Variants in DPP10 observed in about 807,000 individuals in gnomAD.
The protein encoded by DPP10 is inactive dipeptidyl peptidase 10.
A neutral mutation model predicts 120.9 loss-of-function variants in DPP10; 33 were observed. That is an observed-to-expected ratio of 0.27 (90% CI 0.21 to 0.37). DPP10 has a LOEUF of 0.37. Ranked by LOEUF, DPP10 falls within the 10% of genes least tolerant of loss-of-function variation. DPP10 has a pLI of 1.00. For missense variants in DPP10, 816 were observed against 942.8 expected, an observed-to-expected ratio of 0.87 and a Z score of 1.76; for synonymous variants, 337 against 326.1, an observed-to-expected ratio of 1.03 and a Z score of -0.36.
Position 115,780,888 on chromosome 2 carries a change from G to A in DPP10, c.1376G>A (p.Gly459Glu). The change falls in exon 16 of 26, where the codon GGA (glycine) becomes GAA (glutamate). Residue 459 changes from glycine (G) to glutamate (E), a missense_variant. Around this residue, in one of 3 missense-constraint regions of DPP10, gnomAD observed 592 missense variants for 649.0 expected, o/e 0.91. Coordinates refer to ENST00000410059, the MANE Select transcript of DPP10 (RefSeq NM_020868.6). The stretch of plus-strand genomic sequence containing the variant: ...TCTTTCTCCAGTGCTTCTACTGAAG[G>A]ATTATTGAATCGCCAATGCATTTCA... ...GRQLYSASTEGLLNRQCISCN... is the reference protein window; with the variant it reads ...GRQLYSASTEELLNRQCISCN... 4 of 1,602,884 alleles carry A rather than the reference G, an allele frequency of 2.5e-6. No homozygotes were observed. Among genetic ancestry groups the A allele is most frequent in the Non-Finnish European group, 3.4e-6 (4 of 1,173,008 alleles).
At chr2:115,098,734 A>G (rs1315848665) in intron 1 of DPP10, among the ~76,000 whole-genome samples, 1 of 152,192 alleles carries the variant, frequency 6.6e-6, no homozygotes, top group African/African-American at 2.4e-5. Context: ...AAAGGACAGT[A>G]AATGAGACAA....
intron 3 of DPP10, among the ~76,000 whole-genome samples, chr2:115,475,334 C>T (rs938397410): frequency 2.0e-5 from 3 of 152,198 alleles, no homozygotes; most frequent in African/African-American, 7.2e-5. Flanking sequence ...AGGATGCAAA[C>T]TGTAAGTATT....
chr2:115,463,056 C>G (rs843428), intron 3 of DPP10, among the ~76,000 whole-genome samples: 125,906 of 152,106 alleles, frequency 0.83, 55,175 homozygotes, highest in Non-Finnish European at 0.97. Flanking sequence ...TTTATTTTCT[C>G]TATCTGGAAT....
chr2:115,006,745 T>A (rs1181020696), intron 1 of DPP10, among the ~76,000 whole-genome samples: 1 of 151,992 alleles, frequency 6.6e-6, no homozygotes, highest in Admixed American at 6.6e-5. Flanking sequence ...AAAAAGAGAC[T>A]TAGACTCCCA....
intron 1 of DPP10, among the ~76,000 whole-genome samples, chr2:115,257,826 C>T (rs918364381): frequency 1.3e-5 from 2 of 152,024 alleles, no homozygotes; most frequent in Non-Finnish European, 2.9e-5. Flanking sequence ...TTTGTCTTCT[C>T]GTTTAAAATC....
At position 115,012,106 on chromosome 2, in the gene DPP10, G is replaced by T. The variant is rs570426167; in HGVS notation, c.61-297133G>T. On this transcript the variant is annotated intron_variant, in intron 1 of 25. Transcript: ENST00000410059. ...TCCATTGGACTGAGAACCACACCCC[G>T]TCCTCCACATGAGCTGAATGAAGCA... Among the ~76,000 whole-genome samples, 3 of 152,068 alleles carry T rather than the reference G, an allele frequency of 2.0e-5. No individual in the cohort carries two copies. The South Asian group carries it at 6.2e-4, about 32-fold the overall frequency.
chr2:115,089,901 T>C (rs781352504), intron 1 of DPP10, among the ~76,000 whole-genome samples: 1 of 152,156 alleles, frequency 6.6e-6, no homozygotes, highest in African/African-American at 2.4e-5. Flanking sequence ...TAGGAAATAG[T>C]TGGTTCCTAG....
intron 19 of DPP10, among the ~76,000 whole-genome samples, chr2:115,796,596 C>T (rs112261281): frequency 1.3e-5 from 2 of 152,120 alleles, no homozygotes; most frequent in African/African-American, 2.4e-5. Context: ...CAGAATGAGA[C>T]GCGAGTTTCT....
At chr2:115,334,228 C>CTTTTTTTTTTTT (rs1393213758) in intron 2 of DPP10, among the ~76,000 whole-genome samples, 2 of 22,326 alleles carry the variant, frequency 9.0e-5, no homozygotes, top group Non-Finnish European at 1.3e-4. Context: ...AGAGCAGACT[C>CTTTTTTTTTTTT]TGTTTTTTTT....
chr2:115,544,576 C>T (rs371838958), intron 5 of DPP10, among the ~76,000 whole-genome samples: 14 of 152,038 alleles, frequency 9.2e-5, no homozygotes, highest in African/African-American at 3.4e-4. Flanking sequence ...AACTGCCCAT[C>T]CTACAACTAC....
intron 1 of DPP10, among the ~76,000 whole-genome samples, chr2:114,721,288 G>C (rs144879883): frequency 6.6e-6 from 1 of 152,176 alleles, no homozygotes; most frequent in Non-Finnish European, 1.5e-5. Context: ...CATTGCATGG[G>C]CCTTCCCATT....
intron 3 of DPP10, among the ~76,000 whole-genome samples, chr2:115,418,022 T>C (rs2069587672): frequency 1.3e-5 from 2 of 152,190 alleles, no homozygotes; most frequent in Non-Finnish European, 2.9e-5. Flanking sequence ...AAATATATCT[T>C]ACAGAGCTAA....
chr2:114,474,334 A>C (rs1488373224), intron 1 of DPP10, among the ~76,000 whole-genome samples: 1 of 152,228 alleles, frequency 6.6e-6, no homozygotes, highest in Non-Finnish European at 1.5e-5. Flanking sequence ...AAGAATGAGG[A>C]ACGTAAAATT....
intron 1 of DPP10, among the ~76,000 whole-genome samples, chr2:114,652,992 GAGA>G (rs1696704342): frequency 1.1e-5 from 1 of 87,292 alleles, no homozygotes; most frequent in African/African-American, 6.5e-5. Context: ...CATTGGAAGA[GAGA>G]GAGAGAGAGA....
intron 1 of DPP10, among the ~76,000 whole-genome samples, chr2:115,024,623 A>T (rs1200870156): frequency 6.6e-6 from 1 of 150,644 alleles, no homozygotes; most frequent in Non-Finnish European, 1.5e-5. Context: ...ATAACCTTAA[A>T]TGTATATATG....
chr2:114,474,706 G>A lies in DPP10; in HGVS notation c.60+31868G>A, dbSNP rs974939372. Among the ~76,000 whole-genome samples the A allele has an allele frequency of 2.6e-5, 4 of 152,202 alleles. No individual in the cohort carries two copies. In the East Asian group the frequency reaches 7.7e-4, roughly 29 times the overall value. ...GTGGGAAAAACTAAAGGTAAGTACT[G>A]TACATATGTCTGGGACACAACTTTG... On this transcript the variant is annotated intron_variant, in intron 1 of 25. Coordinates refer to ENST00000410059, the MANE Select transcript of DPP10 (RefSeq NM_020868.6).
chr2:114,813,311 C>T (rs977347898), intron 1 of DPP10, among the ~76,000 whole-genome samples: 1 of 152,090 alleles, frequency 6.6e-6, no homozygotes, highest in African/African-American at 2.4e-5. Flanking sequence ...GATTCTCAAT[C>T]CTAAGAGGAC....
intron 1 of DPP10, among the ~76,000 whole-genome samples, chr2:115,072,524 T>C (rs1187500746): frequency 2.0e-5 from 3 of 152,216 alleles, no homozygotes; most frequent in Non-Finnish European, 4.4e-5. Flanking sequence ...GAGCCAATTA[T>C]GAATCTATCT....
At chr2:114,677,584 G>A (rs1166508900) in intron 1 of DPP10, among the ~76,000 whole-genome samples, 8 of 152,112 alleles carry the variant, frequency 5.3e-5, no homozygotes, top group South Asian at 2.1e-4. Context: ...TCTTCCACAC[G>A]TTACAGATGA....
Sources: allele counts gnomAD v4.1 joint callset (sites outside exome capture counted in the v4.1 genomes callset), GRCh38; gene constraint gnomAD v4.1.1; regional missense constraint gnomAD v4.1.1; transcripts MANE v1.5; gene names NCBI Gene and HGNC (gene_info 2026-07-23, HGNC 2026-07-21).